SCOC: variants seen among roughly 807,000 people sequenced by gnomAD.
SCOC encodes short coiled coil protein.
Under a neutral mutation model 9.9 loss-of-function variants are expected in SCOC, and 7 were observed. The ratio of observed to expected loss-of-function variants is 0.71; its 90% CI spans 0.40 to 1.33. SCOC has a LOEUF of 1.33. Ranked by LOEUF, SCOC falls within the 40% of genes most tolerant of loss-of-function variation. The probability of loss-of-function intolerance (pLI) is 0.01; values close to 1 mark genes in which losing one functional copy is unlikely to be tolerated. For missense variants in SCOC, 66 were observed against 89.7 expected, an observed-to-expected ratio of 0.74 and a Z score of 1.07; for synonymous variants, 19 against 28.2, an observed-to-expected ratio of 0.67 and a Z score of 1.03.
chr4:140,304,408 G>A (rs1731903744), intron 1 of SCOC, among the ~76,000 whole-genome samples: 1 of 152,046 alleles, frequency 6.6e-6, no homozygotes, highest in Non-Finnish European at 1.5e-5. Flanking sequence ...GGACTTTCCT[G>A]CAGGCCAAAA....
intron 1 of SCOC, among the ~76,000 whole-genome samples, chr4:140,306,903 C>A (rs941569824): frequency 1.2e-4 from 18 of 152,154 alleles, no homozygotes; most frequent in African/African-American, 3.9e-4. Context: ...TGAAGTGAGG[C>A]AATATTTGGG....
At chr4:140,301,139 C>T (rs17005697) in intron 1 of SCOC, among the ~76,000 whole-genome samples, 2,458 of 152,272 alleles carry the variant, frequency 0.016, 38 homozygotes, top group South Asian at 0.06. Context: ...GAAAGCTAAC[C>T]TAGGATTTCA....
At chr4:140,295,228 T>A (rs1256176640) in intron 1 of SCOC, among the ~76,000 whole-genome samples, 1 of 152,182 alleles carries the variant, frequency 6.6e-6, no homozygotes, top group Admixed American at 6.5e-5. Flanking sequence ...CCTTTCAGGT[T>A]TACACTTGGT....
intron 1 of SCOC, among the ~76,000 whole-genome samples, chr4:140,326,185 G>A (rs1322267670): frequency 6.6e-6 from 1 of 152,156 alleles, no homozygotes; most frequent in Non-Finnish European, 1.5e-5. Flanking sequence ...AGGGAAACGG[G>A]AGAGGTTTTC....
upstream of SCOC, chr4:140,373,434 C>A: frequency 6.6e-7 from 1 of 1,522,280 alleles, no homozygotes; most frequent in Non-Finnish European, 8.8e-7. Flanking sequence ...CAGGTCCCGC[C>A]CACAGCGACC....
intron 1 of SCOC, among the ~76,000 whole-genome samples, chr4:140,297,000 T>G (rs1459649779): frequency 6.6e-6 from 1 of 152,190 alleles, no homozygotes; most frequent in Non-Finnish European, 1.5e-5. Flanking sequence ...GCTCTGTCCC[T>G]GCTGCAGCCT....
At chr4:140,293,208 C>G in intron 1 of SCOC, 1 of 427,996 alleles carries the variant, frequency 2.3e-6, no homozygotes, top group Admixed American at 2.7e-5. Context: ...CACATGAAAT[C>G]TTAAACAACT....
intron 1 of SCOC, among the ~76,000 whole-genome samples, chr4:140,377,746 G>A (rs889688931): frequency 6.6e-6 from 1 of 152,152 alleles, no homozygotes; most frequent in African/African-American, 2.4e-5. Flanking sequence ...TGTATTAACA[G>A]CTGTGAGAGA....
intron 1 of SCOC, among the ~76,000 whole-genome samples, chr4:140,263,557 A>G (rs967429364): frequency 3.3e-5 from 5 of 152,146 alleles, no homozygotes; most frequent in Admixed American, 3.3e-4. Context: ...GGTTATCATC[A>G]CTATACCCAG....
At chr4:140,362,301 T>TCTTCTTCTTCTTCTTCTTCCTTCTTC in intron 2 of SCOC, among the ~76,000 whole-genome samples, 1 of 29,410 alleles carries the variant, frequency 3.4e-5, no homozygotes. Context: ...TTCTTCTTCT[T>TCTTCTTCTTCTTCTTCTTCCTTCTTC]TTTTTTTTTT....
intron 1 of SCOC, among the ~76,000 whole-genome samples, chr4:140,377,809 T>C (rs1375075012): frequency 1.3e-5 from 2 of 152,200 alleles, no homozygotes; most frequent in African/African-American, 4.8e-5. Context: ...TATGTAGATA[T>C]CCTTATTTAA....
In SCOC at chr4:140,324,647, T is replaced by C. The variant is rs756762535; in HGVS notation, c.-18-18974T>C. ...TCTATTAAAACATGTGCATGGTCTA[T>C]ATGTTGAAAATGACACTGATGAAAG... On this transcript the variant is annotated intron_variant, in intron 1 of 4. Transcript: ENST00000394205. 2.6e-5 allele frequency among the ~76,000 whole-genome samples: 4 copies of C among 152,100 alleles called. 1 individual carries two copies. In the South Asian group the frequency reaches 8.3e-4, roughly 31 times the overall value.
At chr4:140,302,693 T>G (rs1731845457) in intron 1 of SCOC, among the ~76,000 whole-genome samples, 1 of 152,118 alleles carries the variant, frequency 6.6e-6, no homozygotes, top group Non-Finnish European at 1.5e-5. Flanking sequence ...GAAGAGGAAA[T>G]AAATCAGCTA....
At chr4:140,366,701 A>C in intron 2 of SCOC, 1 of 1,588,974 alleles carries the variant, frequency 6.3e-7, no homozygotes, top group Non-Finnish European at 8.6e-7. Context: ...AGCTGCATGC[A>C]CTTGAAAGGC....
chr4:140,283,566 TTGA>T (rs1731147710), intron 1 of SCOC, among the ~76,000 whole-genome samples: 1 of 152,224 alleles, frequency 6.6e-6, no homozygotes, highest in South Asian at 2.1e-4. Flanking sequence ...CAAAACAATC[TTGA>T]TGATACAGGT....
chr4:140,331,534 C>T (rs1732815433), intron 1 of SCOC, among the ~76,000 whole-genome samples: 1 of 152,156 alleles, frequency 6.6e-6, no homozygotes, highest in Non-Finnish European at 1.5e-5. Context: ...TTGATCTGAC[C>T]ACTTAACACT....
At chr4:140,311,196 A>T (rs1019821310) in intron 1 of SCOC, among the ~76,000 whole-genome samples, 1 of 152,198 alleles carries the variant, frequency 6.6e-6, no homozygotes, top group African/African-American at 2.4e-5. Context: ...TGATTGTGCC[A>T]CTACACTCTA....
At chr4:140,342,698 C>T (rs993856278), upstream of SCOC, among the ~76,000 whole-genome samples, 6 of 151,966 alleles carry the variant, frequency 3.9e-5, no homozygotes, top group Admixed American at 6.6e-5. Flanking sequence ...TATTTTTTTC[C>T]GCAAAGGAGT....
At chr4:140,366,440 G>T in intron 2 of SCOC, 1 of 1,491,348 alleles carries the variant, frequency 6.7e-7, no homozygotes, top group South Asian at 1.2e-5. Context: ...CGCAGCAGGT[G>T]CTTTTTTGGG....
Sources: gnomAD v4.1 joint callset for allele counts (sites outside exome capture counted in the v4.1 genomes callset) on GRCh38, gnomAD v4.1.1 for gene constraint, MANE v1.5 for transcripts, NCBI Gene and HGNC (gene_info 2026-07-23, HGNC 2026-07-21) for gene names.